PIGU: variants seen among roughly 807,000 people sequenced by gnomAD.
The protein encoded by PIGU is GPI-anchor transamidase component PIGU.
A neutral mutation model predicts 49.9 loss-of-function variants in PIGU; 24 were observed. That is an observed-to-expected ratio of 0.48 (90% CI 0.35 to 0.68). The LOEUF (loss-of-function observed/expected upper bound fraction) is 0.68, where lower values mean the gene tolerates loss of function less well. PIGU is among the 30% of genes least tolerant of loss of function. The pLI is 0.01. For missense variants in PIGU, 490 were observed against 532.6 expected (o/e 0.92, Z 0.79); for synonymous variants, 220 against 205.7 (o/e 1.07, Z -0.59).
intron 10 of PIGU, among the ~76,000 whole-genome samples, chr20:34,578,840 C>G (rs994709111): frequency 2.0e-5 from 3 of 152,156 alleles, no homozygotes; most frequent in Non-Finnish European, 2.9e-5. Context: ...TCAGAGGTGA[C>G]CAGGGCCTAA....
At position 34,654,395 on chromosome 20, in the gene PIGU, G is replaced by A. The variant is rs1986642935; in HGVS notation, c.195+2785C>T. Reference sequence around the variant, plus strand: ...GGACAATCACTTGAATCCAGGGTGGGGGAAGGGGGAGGGGGTTGCAGAGGT... The same window carrying A: ...GGACAATCACTTGAATCCAGGGTGGAGGAAGGGGGAGGGGGTTGCAGAGGT... On this transcript the variant is annotated intron_variant, in intron 2 of 11. Coordinates refer to ENST00000217446, the MANE Select transcript of PIGU (RefSeq NM_080476.5). 1.8e-5 allele frequency among the ~76,000 whole-genome samples: 2 copies of A among 111,500 alleles called. 1 individual carries two copies. Among genetic ancestry groups the A allele is most frequent in the African/African-American group, 6.6e-5 (2 of 30,258 alleles). The allele number at this position is 111,500 out of a possible 152,430, so 73.1% of individuals were successfully genotyped here.
intron 7 of PIGU, among the ~76,000 whole-genome samples, chr20:34,595,341 A>G (rs1984161581): frequency 6.6e-6 from 1 of 152,208 alleles, no homozygotes; most frequent in Non-Finnish European, 1.5e-5. Context: ...ATACAGTATA[A>G]GAACTATTTA....
chr20:34,628,507 A>G (rs563971803), intron 6 of PIGU, among the ~76,000 whole-genome samples: 1 of 152,178 alleles, frequency 6.6e-6, no homozygotes, highest in East Asian at 1.9e-4. Flanking sequence ...TGATACATAC[A>G]TTGGTTAAAG....
chr20:34,580,994 G>A lies in PIGU; in HGVS notation c.1051+554C>T, dbSNP rs1168608108. ...TTCAAAGCCCAGGGCATAGAGTTCT[G>A]CTGTCTAGTATGGTAGCCTAGCTAC... On this transcript the variant is annotated intron_variant, in intron 10 of 11. Transcript: ENST00000217446. Among the ~76,000 whole-genome samples the A allele has an allele frequency of 2.8e-4, 43 of 152,288 alleles. 1 individual carries two copies. The highest frequency in any genetic ancestry group is 2.9e-5 in the Non-Finnish European group (2 of 68,032).
At chr20:34,613,149 A>G (rs1053710168) in intron 7 of PIGU, among the ~76,000 whole-genome samples, 2 of 151,720 alleles carry the variant, frequency 1.3e-5, no homozygotes, top group Non-Finnish European at 2.9e-5. Context: ...TCATCTCTCC[A>G]TCTCCTCTGA....
In PIGU at chr20:34,616,151, A is replaced by G. The variant is rs1361584822; in HGVS notation, c.530-12T>C. On this transcript the variant is annotated splice_polypyrimidine_tract_variant and intron_variant, in intron 6 of 11. Coordinates refer to ENST00000217446, the MANE Select transcript of PIGU (RefSeq NM_080476.5). ...GAGGAAAGCACTGCCTGTAAAAAGA[A>G]AGAAATGTATGGAATAATCCAGCCT... The G allele has an allele frequency of 6.2e-7, 1 of 1,612,216 alleles. No individual in the cohort carries two copies. Among genetic ancestry groups the G allele is most frequent in the African/African-American group, 1.3e-5 (1 of 74,968 alleles).
rs940244951 is a variant in PIGU at position 34,658,283 on chromosome 20, G to A, written c.131-1039C>T. On this transcript the variant is annotated intron_variant, in intron 1 of 11. Coordinates refer to ENST00000217446, the MANE Select transcript of PIGU (RefSeq NM_080476.5). ...GTGCCGGGATTGCAGACGGAGTCTCGTTCACTCAGTGCTCAGTGGTGCCCA... is the reference window on the plus strand; with the variant it reads ...GTGCCGGGATTGCAGACGGAGTCTCATTCACTCAGTGCTCAGTGGTGCCCA... Among the ~76,000 whole-genome samples the A allele has an allele frequency of 1.7e-3, 253 of 152,362 alleles. 2 individuals carry two copies. Among genetic ancestry groups the A allele is most frequent in the African/African-American group, 5.6e-3 (234 of 41,600 alleles).
At chr20:34,566,155 G>T (rs1306540723) in intron 11 of PIGU, among the ~76,000 whole-genome samples, 1 of 152,166 alleles carries the variant, frequency 6.6e-6, no homozygotes, top group African/African-American at 2.4e-5. Context: ...GCCCTGCCCA[G>T]CAGCGCTGCA....
intron 6 of PIGU, among the ~76,000 whole-genome samples, chr20:34,625,662 G>A (rs1228542466): frequency 2.7e-5 from 4 of 146,996 alleles, no homozygotes; most frequent in African/African-American, 5.0e-5. Context: ...TTAAAATTCC[G>A]AGATTGCACC....
At chr20:34,623,713 C>G (rs1208526492) in intron 6 of PIGU, among the ~76,000 whole-genome samples, 1 of 152,136 alleles carries the variant, frequency 6.6e-6, no homozygotes, top group African/African-American at 2.4e-5. Context: ...TAAGGAAGCA[C>G]GCTAAGCATT....
chr20:34,649,918 G>A lies in PIGU; in HGVS notation c.196-4584C>T, dbSNP rs563308919. ...GGCTGGAGTGCAGTGGCGCGATCTCGGCTCACTGCAAGCTCCGCCTCCCAG... is the reference window on the plus strand; with the variant it reads ...GGCTGGAGTGCAGTGGCGCGATCTCAGCTCACTGCAAGCTCCGCCTCCCAG... On this transcript the variant is annotated intron_variant, in intron 2 of 11. Coordinates refer to ENST00000217446, the MANE Select transcript of PIGU (RefSeq NM_080476.5). Among the ~76,000 whole-genome samples the A allele has an allele frequency of 1.8e-3, 261 of 143,206 alleles. 3 individuals are homozygous for A. The highest frequency in any genetic ancestry group is 4.0e-3 in the Admixed American group (55 of 13,634). The allele number at this position is 143,206 out of a possible 152,430, so 93.9% of individuals were successfully genotyped here.
At chr20:34,613,953 G>A (rs761198008) in intron 7 of PIGU, among the ~76,000 whole-genome samples, 2 of 152,124 alleles carry the variant, frequency 1.3e-5, no homozygotes, top group Non-Finnish European at 2.9e-5. Context: ...AGAACAATAC[G>A]ACTTTTCACC....
At chr20:34,672,207 C>A (rs904720285) in intron 1 of PIGU, among the ~76,000 whole-genome samples, 11 of 152,080 alleles carry the variant, frequency 7.2e-5, no homozygotes, top group African/African-American at 2.7e-4. Flanking sequence ...TCCCAAAGTG[C>A]TGGGATTACA....
intron 1 of PIGU, 136 bp downstream of exon 1, chr20:34,676,820 T>G: frequency 3.1e-6 from 1 of 317,572 alleles, no homozygotes; most frequent in Non-Finnish European, 4.3e-6. Flanking sequence ...GGCCCCGCCC[T>G]CTCCAAGAAC....
chr20:34,657,105 A>T, intron 2 of PIGU, 75 bp downstream of exon 2: 2 of 1,162,310 alleles, frequency 1.7e-6, no homozygotes, highest in Non-Finnish European at 2.5e-6. Context: ...TGTTTGTACA[A>T]AACAGAGGTT....
chr20:34,647,330 C>T (rs1986383970), intron 2 of PIGU, among the ~76,000 whole-genome samples: 3 of 150,664 alleles, frequency 2.0e-5, no homozygotes, highest in South Asian at 2.1e-4. Context: ...GGCACAATCT[C>T]GGCTCACTGT....
chr20:34,571,589 G>A (rs1983014917), intron 11 of PIGU, among the ~76,000 whole-genome samples: 1 of 152,120 alleles, frequency 6.6e-6, no homozygotes, highest in African/African-American at 2.4e-5. Flanking sequence ...CTAGCTCACA[G>A]CAGGATATGG....
Position 34,560,719 on chromosome 20 carries a change from G to A in PIGU, c.*147C>T. ...AGGCCTTGCTGTCAGTCAGCCATGG[G>A]TCCCTTTTGGTACCAGAGACTTGTG... On this transcript the variant is annotated 3_prime_UTR_variant, in exon 12 of 12. Coordinates refer to ENST00000217446, the MANE Select transcript of PIGU (RefSeq NM_080476.5). The A allele has an allele frequency of 1.8e-6, 1 of 552,682 alleles. No individual in the cohort carries two copies. Among genetic ancestry groups the A allele is most frequent in the Non-Finnish European group, 3.1e-6 (1 of 325,330 alleles). 34.2% of individuals were successfully genotyped at this position (552,682 alleles called of 1,614,324 possible). A position where few individuals can be genotyped will look rare whatever the true frequency, so the allele number is the denominator to read the frequency against.
intron 7 of PIGU, among the ~76,000 whole-genome samples, chr20:34,613,341 T>C (rs1984890620): frequency 6.6e-6 from 1 of 152,220 alleles, no homozygotes; most frequent in South Asian, 2.1e-4. Flanking sequence ...GCATAGTATC[T>C]AGCACACTAT....
Sources: gnomAD v4.1 joint callset for allele counts (sites outside exome capture counted in the v4.1 genomes callset) on GRCh38, gnomAD v4.1.1 for gene constraint, MANE v1.5 for transcripts, NCBI Gene and HGNC (gene_info 2026-07-23, HGNC 2026-07-21) for gene names.